Variants in TTC29 observed in about 807,000 individuals in gnomAD.
TTC29 encodes tetratricopeptide repeat domain 29.
TTC29 carries 49 observed loss-of-function variants against 58.1 expected under a neutral mutation model. The observed-to-expected ratio is 0.84, with a 90% CI of 0.67 to 1.07. The LOEUF is 1.07. Ranked by LOEUF, TTC29 falls within the 50% of genes least tolerant of loss-of-function variation. The probability of loss-of-function intolerance (pLI) is 0.00; values close to 1 mark genes in which losing one functional copy is unlikely to be tolerated. For missense variants in TTC29, 582 were observed against 555.6 expected (o/e 1.05, Z -0.48); for synonymous variants, 209 against 196.8 (o/e 1.06, Z -0.52).
chr4:146,894,231 G>A lies in TTC29; in HGVS notation c.586+9313C>T, dbSNP rs544098785. Among the ~76,000 whole-genome samples the A allele has an allele frequency of 4.8e-3, 729 of 152,080 alleles. 5 individuals carry two copies. Among genetic ancestry groups the A allele is most frequent in the African/African-American group, 0.016 (678 of 41,444 alleles). On this transcript the variant is annotated intron_variant, in intron 6 of 12. Transcript: ENST00000325106. ...TGCTGCTATAAAGACACATGCACAC[G>A]TATGTTTATTGCGGCACTATTCACA... is the stretch of plus-strand genomic sequence containing the variant.
In TTC29 at chr4:146,936,142, G is replaced by C. The variant is rs543114060; in HGVS notation, c.176+1452C>G. On this transcript the variant is annotated intron_variant, in intron 4 of 12. Coordinates refer to ENST00000325106, the MANE Select transcript of TTC29 (RefSeq NM_031956.4). ...TAGTAAGGCCTGAGAATTACCCAGA[G>C]TTACTGTTGTCAATAGTGTAATGAT... 2.0e-5 allele frequency among the ~76,000 whole-genome samples: 3 copies of C among 152,268 alleles called. No individual in the cohort carries two copies. In the South Asian group the frequency reaches 6.2e-4, roughly 32 times the overall value.
Position 146,820,286 on chromosome 4 carries a change from C to T in TTC29, c.978-38G>A, listed in dbSNP as rs756417374. ...AAATAGGAAGTCAATGGAGTATCAT[C>T]TCACTTAATGTCACAGTAAAGAGGA... On this transcript the variant is annotated intron_variant, in intron 9 of 12. Coordinates refer to ENST00000325106, the MANE Select transcript of TTC29 (RefSeq NM_031956.4). 8.8e-6 allele frequency: 14 copies of T among 1,596,196 alleles called. No homozygotes were observed. In the East Asian group the frequency reaches 3.1e-4, roughly 36 times the overall value.
At chr4:146,721,773 G>A (rs565007919) in intron 11 of TTC29, among the ~76,000 whole-genome samples, 1 of 152,146 alleles carries the variant, frequency 6.6e-6, no homozygotes, top group African/African-American at 2.4e-5. Context: ...TCTTTAATAA[G>A]TACATAAAAA....
At chr4:146,906,980 G>A (rs1733562334) in intron 5 of TTC29, among the ~76,000 whole-genome samples, 1 of 152,138 alleles carries the variant, frequency 6.6e-6, no homozygotes, top group African/African-American at 2.4e-5. Flanking sequence ...AAATTAGCTT[G>A]GCATGGTGGT....
rs1438613401 is a variant in TTC29, at chr4:146,914,462, ATCT to A, written c.177-5216_177-5214del. Among the ~76,000 whole-genome samples, 4 of 152,296 alleles carry A rather than the reference ATCT, an allele frequency of 2.6e-5. No individual in the cohort carries two copies. In the East Asian group the frequency reaches 7.7e-4, roughly 29 times the overall value. On this transcript the variant is annotated intron_variant, in intron 4 of 12. Transcript: ENST00000325106. Reference sequence around the variant, plus strand: ...GTTTTTAAGCATCAGAAAAAGAAAAATCTTCTTGAACTGATGCCATGATACTGG... The same window carrying A: ...GTTTTTAAGCATCAGAAAAAGAAAAATCTTGAACTGATGCCATGATACTGG...
chr4:146,842,620 C>G (rs1728918822), intron 8 of TTC29, among the ~76,000 whole-genome samples: 1 of 152,112 alleles, frequency 6.6e-6, no homozygotes, highest in South Asian at 2.1e-4. Context: ...ACAGATTTCT[C>G]TGTTAACAAG....
rs1423026205 is a variant in TTC29, at chr4:146,937,679, T to A, written c.93-2A>T. The A allele has an allele frequency of 6.9e-7, 1 of 1,457,868 alleles. No homozygotes were observed. Among genetic ancestry groups the A allele is most frequent in the Non-Finnish European group, 9.3e-7 (1 of 1,077,998 alleles). The allele number at this position is 1,457,868 out of a possible 1,614,324, so 90.3% of individuals were successfully genotyped here. On this transcript the variant is annotated splice_acceptor_variant, in intron 3 of 12. Transcript: ENST00000325106. LOFTEE classifies it high-confidence loss of function. The stretch of plus-strand genomic sequence containing the variant: ...TCTTTTTCTTTGATCAATTGAGACC[T>A]AAATGAAATAGAAAGAAATAATAAA...
intron 2 of TTC29, among the ~76,000 whole-genome samples, chr4:146,940,373 T>C (rs1736266366): frequency 6.6e-6 from 1 of 152,226 alleles, no homozygotes; most frequent in Non-Finnish European, 1.5e-5. Flanking sequence ...TTAGATGTGA[T>C]AGATGATAAG....
At chr4:146,895,651 T>C (rs746323514) in intron 6 of TTC29, among the ~76,000 whole-genome samples, 18 of 152,170 alleles carry the variant, frequency 1.2e-4, no homozygotes, top group Non-Finnish European at 2.2e-4. Context: ...TTAAGATTAA[T>C]TCTGGGGGAG....
At chr4:146,867,457 A>G in intron 8 of TTC29, 41 bp downstream of exon 8, 1 of 992,260 alleles carries the variant, frequency 1.0e-6, no homozygotes, top group Non-Finnish European at 1.4e-6. Flanking sequence ...AATATACTAA[A>G]ATAAAAATTA....
chr4:146,942,726 G>T, intron 2 of TTC29: 1 of 1,105,574 alleles, frequency 9.0e-7, no homozygotes. Context: ...AACTAAGTTT[G>T]CCTCATTTGG....
chr4:146,731,859 T>C lies in TTC29; in HGVS notation c.1331-24308A>G, dbSNP rs1169339758. On this transcript the variant is annotated intron_variant, in intron 11 of 12. Transcript: ENST00000325106. ...CATTCCTGGAACCATAATGAGAGCATGTCAGAGAGAAATAGCCATGGTCCA... is the reference window on the plus strand; with the variant it reads ...CATTCCTGGAACCATAATGAGAGCACGTCAGAGAGAAATAGCCATGGTCCA... 5.3e-5 allele frequency among the ~76,000 whole-genome samples: 8 copies of C among 152,300 alleles called. No individual in the cohort carries two copies. In the South Asian group the frequency reaches 1.5e-3, roughly 28 times the overall value.
intron 4 of TTC29, among the ~76,000 whole-genome samples, chr4:146,926,734 A>G (rs1734959969): frequency 6.6e-6 from 1 of 152,168 alleles, no homozygotes; most frequent in Non-Finnish European, 1.5e-5. Context: ...AAGTGCTGGG[A>G]TTACAGACGC....
At position 146,861,209 on chromosome 4, in the gene TTC29, C is replaced by T. The variant is rs111797185; in HGVS notation, c.885+6289G>A. Reference sequence around the variant, plus strand: ...ATTCCTTTTCCTTAAAATAACTTTACGTTGGTATGTGGCTGGTCCAATTTT... The same window carrying T: ...ATTCCTTTTCCTTAAAATAACTTTATGTTGGTATGTGGCTGGTCCAATTTT... On this transcript the variant is annotated intron_variant, in intron 8 of 12. Transcript: ENST00000325106. Among the ~76,000 whole-genome samples, 1,511 of 152,178 alleles carry T rather than the reference C, an allele frequency of 9.9e-3. 14 individuals carry two copies. The highest frequency in any genetic ancestry group is 0.016 in the Non-Finnish European group (1,088 of 67,986).
intron 6 of TTC29, among the ~76,000 whole-genome samples, chr4:146,882,935 G>GCTCTCT (rs147962759): frequency 6.7e-6 from 1 of 150,154 alleles, no homozygotes; most frequent in African/African-American, 2.4e-5. Context: ...ACTAGCTGCT[G>GCTCTCT]CTCTCTCTCT....
intron 11 of TTC29, among the ~76,000 whole-genome samples, chr4:146,727,393 T>C (rs1743877099): frequency 6.6e-6 from 1 of 152,208 alleles, no homozygotes; most frequent in South Asian, 2.1e-4. Context: ...GGTTCACTTT[T>C]GGTGTTACAC....
intron 11 of TTC29, among the ~76,000 whole-genome samples, chr4:146,778,999 A>AAAAAAAAAAG (rs1748355263): frequency 3.8e-5 from 3 of 78,238 alleles, no homozygotes; most frequent in Non-Finnish European, 6.9e-5. Flanking sequence ...AAAAAAAAAA[A>AAAAAAAAAAG]AAAAGAAAAG....
chr4:146,878,831 A>T (rs1731437046), intron 6 of TTC29, among the ~76,000 whole-genome samples: 1 of 152,186 alleles, frequency 6.6e-6, no homozygotes, highest in African/African-American at 2.4e-5. Context: ...AGAAACTGTT[A>T]TATAACCAGC....
chr4:146,743,623 G>A (rs578009141), intron 11 of TTC29, among the ~76,000 whole-genome samples: 1 of 152,192 alleles, frequency 6.6e-6, no homozygotes, highest in Non-Finnish European at 1.5e-5. Flanking sequence ...TGTCCTTCAA[G>A]TGCCAAATTC....
Sources: gnomAD v4.1 joint callset for allele counts (sites outside exome capture counted in the v4.1 genomes callset) on GRCh38, gnomAD v4.1.1 for gene constraint, MANE v1.5 for transcripts, NCBI Gene and HGNC (gene_info 2026-07-23, HGNC 2026-07-21) for gene names.